AMPD1: variants seen among roughly 807,000 people sequenced by gnomAD.
The protein encoded by AMPD1 is AMP deaminase 1.
A neutral mutation model predicts 82.9 loss-of-function variants in AMPD1; 74 were observed. That is an observed-to-expected ratio of 0.89 (90% confidence interval 0.74 to 1.08). The LOEUF (loss-of-function observed/expected upper bound fraction) is 1.08, where lower values mean the gene tolerates loss of function less well. Ranked by LOEUF, AMPD1 falls within the 50% of genes least tolerant of loss-of-function variation. The pLI, the probability that AMPD1 is intolerant of heterozygous loss-of-function variation, is 0.00. For missense variants in AMPD1, 881 were observed against 924.5 expected (o/e 0.95, Z 0.61); for synonymous variants, 333 against 320.5 (o/e 1.04, Z -0.42).
At chr1:114,677,277 C>A in intron 10 of AMPD1, 74 bp downstream of exon 10, 1 of 1,581,992 alleles carries the variant, frequency 6.3e-7, no homozygotes, top group Non-Finnish European at 8.7e-7. Context: ...GCAACACGTT[C>A]CTTGTTCATA....
chr1:114,684,606 G>C (rs113523399), intron 4 of AMPD1: 3 of 567,548 alleles, frequency 5.3e-6, no homozygotes, highest in African/African-American at 1.9e-5. Flanking sequence ...TCTTTCCCTT[G>C]TAGTCCTGTA....
intron 1 of AMPD1, 51 bp downstream of exon 1, chr1:114,695,395 CAAAA>C (rs68036474): frequency 1.2e-5 from 18 of 1,450,236 alleles, no homozygotes; most frequent in Admixed American, 2.0e-5. Flanking sequence ...AGTTGCTTGT[CAAAA>C]AAAAAAAAAA....
At chr1:114,692,694 T>C (rs1294344499) in intron 2 of AMPD1, among the ~76,000 whole-genome samples, 3 of 148,602 alleles carry the variant, frequency 2.0e-5, no homozygotes, top group East Asian at 4.0e-4. Flanking sequence ...AATAAATAAA[T>C]AAACAAACAA....
chr1:114,695,017 G>T (rs563025301), intron 1 of AMPD1, among the ~76,000 whole-genome samples: 1 of 151,784 alleles, frequency 6.6e-6, no homozygotes, highest in Non-Finnish European at 1.5e-5. Context: ...ATTACTCTGC[G>T]TACAAACCTG....
At position 114,680,487 on chromosome 1, in the gene AMPD1, A is replaced by G. The variant is rs201714031; in HGVS notation, c.548-9T>C. ...CACAGGAGGAGTAAAGACTTTTTCA[A>G]TCAAACACAGAGTAATATATTAGCA... On this transcript the variant is annotated splice_polypyrimidine_tract_variant and intron_variant, in intron 5 of 15. Transcript: ENST00000520113. 6.0e-5 allele frequency: 96 copies of G among 1,611,790 alleles called. No homozygotes were observed. The highest frequency in any genetic ancestry group is 8.0e-5 in the African/African-American group (6 of 74,836).
At chr1:114,680,232 G>C in intron 6 of AMPD1, 27 bp downstream of exon 6, 1 of 1,576,634 alleles carries the variant, frequency 6.3e-7, no homozygotes, top group Non-Finnish European at 8.7e-7. Context: ...ACTAGTTGTT[G>C]TTGTTTAGGT....
At chr1:114,689,809 T>A (rs1371741386) in intron 2 of AMPD1, among the ~76,000 whole-genome samples, 1 of 152,060 alleles carries the variant, frequency 6.6e-6, no homozygotes, top group Admixed American at 6.5e-5. Context: ...AGAGCAAAAC[T>A]CTATCTCAAA....
At chr1:114,684,607 T>C (rs1658259231) in intron 4 of AMPD1, 2 of 565,052 alleles carry the variant, frequency 3.5e-6, no homozygotes, top group African/African-American at 3.8e-5. Flanking sequence ...CTTTCCCTTG[T>C]AGTCCTGTAT....
chr1:114,678,552 A>G (rs758320481), intron 7 of AMPD1, 25 bp from the exon 8 acceptor site: 1 of 1,597,236 alleles, frequency 6.3e-7, no homozygotes. Flanking sequence ...AAAGAAAGAA[A>G]AAAACATCAA....
chr1:114,684,664 T>TA (rs1279327950), intron 4 of AMPD1, among the ~76,000 whole-genome samples: 1 of 152,224 alleles, frequency 6.6e-6, no homozygotes, highest in East Asian at 1.9e-4. Context: ...ATCTAGCAAA[T>TA]AGGATTAAAA....
chr1:114,684,037 G>A (rs142227917), intron 5 of AMPD1, among the ~76,000 whole-genome samples, 162 bp downstream of exon 5: 61 of 152,286 alleles, frequency 4.0e-4, no homozygotes, highest in African/African-American at 1.4e-3. Context: ...ATGTTGTGCA[G>A]ACTGAATCAA....
At position 114,695,479 on chromosome 1, in the gene AMPD1, G is replaced by T. The variant is rs780354223; in HGVS notation, c.-8C>A. On this transcript the variant is annotated 5_prime_UTR_variant, in exon 1 of 16. Transcript: ENST00000520113. The stretch of plus-strand genomic sequence containing the variant: ...GAGTTTGAACAGAGGCATTGTTGCT[G>T]AAATCCTTGATTCTAGGATAGCACA... 1.9e-6 allele frequency: 3 copies of T among 1,613,760 alleles called. No individual in the cohort carries two copies. The African/African-American group carries it at 4.0e-5, about 22-fold the overall frequency.
chr1:114,691,263 CG>C (rs971236814), intron 2 of AMPD1, among the ~76,000 whole-genome samples: 2 of 152,088 alleles, frequency 1.3e-5, no homozygotes, highest in Non-Finnish European at 2.9e-5. Context: ...AAAAATACCT[CG>C]GGGAGTGGGC....
intron 13 of AMPD1, among the ~76,000 whole-genome samples, chr1:114,674,339 A>ATGGTC (rs1244162800): frequency 6.6e-6 from 1 of 152,196 alleles, no homozygotes; most frequent in Non-Finnish European, 1.5e-5. Flanking sequence ...CCTACGTTAG[A>ATGGTC]TGGTCTGTCT....
At chr1:114,683,870 G>T (rs1007156039) in intron 5 of AMPD1, among the ~76,000 whole-genome samples, 5 of 152,204 alleles carry the variant, frequency 3.3e-5, no homozygotes, top group African/African-American at 1.2e-4. Context: ...GCTCAGATCT[G>T]TGTTTTAAAA....
chr1:114,684,353 T>C lies in AMPD1; in HGVS notation c.393A>G (p.Glu131=), dbSNP rs1415113853. The C allele has an allele frequency of 1.2e-6, 2 of 1,613,666 alleles. No homozygotes were observed. The highest frequency in any genetic ancestry group is 2.7e-5 in the African/African-American group (2 of 74,802). The part of the protein sequence containing the change: ...TGDYASGVTV[E]DFEIVCKGLY... The stretch of plus-strand genomic sequence containing the variant: ...GACCTTTGCAAACAATTTCAAAATC[T>C]TCAACTGTAACCTGCCAAAAAAAAA... Residue 131 remains glutamate (E), a synonymous_variant, in exon 5 of 16, where the codon GAA becomes GAG. Transcript: ENST00000520113.
chr1:114,675,831 G>C, intron 11 of AMPD1, 46 bp downstream of exon 11: 1 of 1,613,812 alleles, frequency 6.2e-7, no homozygotes, highest in Non-Finnish European at 8.5e-7. Flanking sequence ...AGGTAGGAAG[G>C]CTGGTTCATG....
chr1:114,677,927 A>C lies in AMPD1; in HGVS notation c.1207T>G (p.Phe403Val), dbSNP rs768205791. 6.2e-7 allele frequency: 1 copy of C among 1,613,634 alleles called. No homozygotes were observed. The highest frequency in any genetic ancestry group is 1.7e-5 in the Admixed American group (1 of 59,914). The change falls in exon 9 of 16, where the codon TTT (phenylalanine) becomes GTT (valine). Residue 403 changes from phenylalanine to valine, a missense_variant. Phe to Val is a conservative substitution (Grantham distance 50, BLOSUM62 -1). This residue lies in a region of AMPD1 where 783 missense variants were observed against 786.4 expected (regional missense o/e 1.00). Coordinates refer to ENST00000520113, the MANE Select transcript of AMPD1 (RefSeq NM_000036.3). The stretch of plus-strand genomic sequence containing the variant: ...CGCCTCACCTTGATGATAGTGGCAA[A>C]ATATTCCCCATTAATGTAATTGTCT... ...KTDNYINGEY[F>V]ATIIKEVGAD...
chr1:114,693,557 G>A (rs541690953), intron 1 of AMPD1, 110 bp from the exon 2 acceptor site: 1 of 967,036 alleles, frequency 1.0e-6, no homozygotes, highest in Non-Finnish European at 1.7e-6. Context: ...TGTTATTTCA[G>A]CTCAGCCTTC....
Sources: gnomAD v4.1 joint callset for allele counts (sites outside exome capture counted in the v4.1 genomes callset) on GRCh38, gnomAD v4.1.1 for gene constraint, gnomAD v4.1.1 regional missense constraint, MANE v1.5 for transcripts, NCBI Gene and HGNC (gene_info 2026-07-23, HGNC 2026-07-21) for gene names.